SASS6: variants seen among roughly 807,000 people sequenced by gnomAD.
SASS6 encodes the protein SAS-6 centriolar assembly protein.
A neutral mutation model predicts 94.9 loss-of-function variants in SASS6; 59 were observed. The observed-to-expected ratio is 0.62, with a 90% confidence interval of 0.50 to 0.77. SASS6 has a LOEUF of 0.77. SASS6 is among the 30% of genes least tolerant of loss of function. The probability of loss-of-function intolerance (pLI) is 0.00; values close to 1 mark genes in which losing one functional copy is unlikely to be tolerated. For missense variants in SASS6, 698 were observed against 734.1 expected (o/e 0.95, Z 0.57); for synonymous variants, 264 against 270.0 (o/e 0.98, Z 0.22).
At chr1:100,110,205 A>C (rs1290342327) in intron 8 of SASS6, 87 bp downstream of exon 8, 3 of 702,516 alleles carry the variant, frequency 4.3e-6, no homozygotes, top group African/African-American at 3.7e-5. Context: ...ATCCAGAGGA[A>C]CACCACCCAC....
chr1:100,103,560 C>T (rs1652662572), intron 13 of SASS6, among the ~76,000 whole-genome samples: 1 of 152,126 alleles, frequency 6.6e-6, no homozygotes, highest in Non-Finnish European at 1.5e-5. Context: ...CATTAACCAA[C>T]GTTATGAAAA....
intron 1 of SASS6, among the ~76,000 whole-genome samples, chr1:100,127,976 T>A (rs1369127698): frequency 2.0e-5 from 3 of 152,208 alleles, no homozygotes; most frequent in Admixed American, 2.0e-4. Flanking sequence ...AGTGGTATGA[T>A]ACTGCAGTTG....
At chr1:100,091,766 G>GA (rs1218417593) in intron 14 of SASS6, among the ~76,000 whole-genome samples, 4 of 151,374 alleles carry the variant, frequency 2.6e-5, no homozygotes, top group Admixed American at 6.6e-5. Context: ...AATCAAATCT[G>GA]AAAAACAGAA....
chr1:100,092,636 C>T (rs1198395363), intron 14 of SASS6, among the ~76,000 whole-genome samples: 5 of 151,796 alleles, frequency 3.3e-5, no homozygotes, highest in African/African-American at 4.8e-5. Context: ...AGTGCAGAGG[C>T]GCAATCTCGG....
intron 14 of SASS6, among the ~76,000 whole-genome samples, chr1:100,092,187 T>A (rs1173600617): frequency 6.6e-6 from 1 of 150,618 alleles, no homozygotes; most frequent in African/African-American, 2.5e-5. Flanking sequence ...ATATATATAT[T>A]AAAAGCAGGC....
chr1:100,107,457 A>G lies in SASS6; in HGVS notation c.1243T>C (p.Leu415=), dbSNP rs1393467030. The change falls in exon 11 of 17, where the codon TTG becomes CTG. Residue 415 remains leucine, a synonymous_variant. Transcript: ENST00000287482. ...TGTAATTTTTCCTCCTTCTCAGCCA[A>G]GAGTTTTTCTTGCTGAATAGTAACT... ...NTVTIQQEKL[L]AEKEEKLQKE... 2 of 1,607,292 alleles carry G rather than the reference A, an allele frequency of 1.2e-6. No homozygotes were observed. The highest frequency in any genetic ancestry group is 1.3e-5 in the African/African-American group (1 of 74,906).
Position 100,119,101 on chromosome 1 carries a change from G to A in SASS6, c.586C>T (p.Arg196Trp), listed in dbSNP as rs747911751. ...GCTGTATGTGACGCCCATTCATTCC[G>A]TAACTTATCTAATTCTTGTTTTTTT... ...AEKKQELDKL[R>W]NEWASHTAAL... Residue 196 changes from arginine (R) to tryptophan (W), a missense_variant, in exon 7 of 17, where the codon CGG (arginine) becomes TGG (tryptophan). Arg to Trp is a moderately radical substitution (Grantham distance 101). Transcript: ENST00000287482. 1.6e-5 allele frequency: 25 copies of A among 1,573,804 alleles called. No homozygotes were observed. The highest frequency in any genetic ancestry group is 1.1e-4 in the East Asian group (5 of 44,362).
Position 100,088,253 on chromosome 1 carries a change from C to T in SASS6, c.1675-17G>A. 1 of 1,263,900 alleles carries T rather than the reference C, an allele frequency of 7.9e-7. No homozygotes were observed. The highest frequency in any genetic ancestry group is 1.2e-6 in the Non-Finnish European group (1 of 861,784). The allele number at this position is 1,263,900 out of a possible 1,614,324, so 78.3% of individuals were successfully genotyped here. On this transcript the variant is annotated splice_polypyrimidine_tract_variant and intron_variant, in intron 14 of 16. Transcript: ENST00000287482. Reference sequence around the variant, plus strand: ...AAACTGAACCTGTGAGAAGGAAAAACATCTCATGTAACTGAGTTATATAGA... The same window carrying T: ...AAACTGAACCTGTGAGAAGGAAAAATATCTCATGTAACTGAGTTATATAGA...
intron 7 of SASS6, among the ~76,000 whole-genome samples, chr1:100,111,983 T>TA (rs528597468): frequency 6.7e-4 from 102 of 151,428 alleles, no homozygotes; most frequent in Middle Eastern, 3.4e-3. Flanking sequence ...GATTTTTGTT[T>TA]AAAAAAAAAG....
At chr1:100,089,566 A>G (rs1354369048) in intron 14 of SASS6, among the ~76,000 whole-genome samples, 2 of 152,154 alleles carry the variant, frequency 1.3e-5, no homozygotes, top group Non-Finnish European at 2.9e-5. Context: ...ATCTTGCCAG[A>G]AAGTATTCAA....
At chr1:100,093,563 T>C (rs750622115) in intron 14 of SASS6, among the ~76,000 whole-genome samples, 20 of 151,892 alleles carry the variant, frequency 1.3e-4, no homozygotes, top group South Asian at 4.1e-4. Context: ...GAGTTTGAGA[T>C]TGGCCTGGGA....
intron 8 of SASS6, among the ~76,000 whole-genome samples, chr1:100,108,451 A>T (rs1255828308): frequency 6.6e-6 from 1 of 151,962 alleles, no homozygotes; most frequent in African/African-American, 2.4e-5. Context: ...ATATCTTTCT[A>T]TGTCAATAAA....
At chr1:100,095,088 C>T (rs1472986762) in intron 14 of SASS6, among the ~76,000 whole-genome samples, 1 of 152,090 alleles carries the variant, frequency 6.6e-6, no homozygotes, top group African/African-American at 2.4e-5. Context: ...AAGCTCTTAG[C>T]AAACTAGGAA....
rs764962644 is a variant in SASS6, at chr1:100,121,401, C to A, written c.460G>T (p.Ala154Ser). 8.9e-6 allele frequency: 14 copies of A among 1,577,848 alleles called. No individual in the cohort carries two copies. The highest frequency in any genetic ancestry group is 1.4e-5 in the African/African-American group (1 of 72,478). The change falls in exon 5 of 17, where the codon GCA (alanine) becomes TCA (serine). Residue 154 changes from alanine to serine, a missense_variant. Coordinates refer to ENST00000287482, the MANE Select transcript of SASS6 (RefSeq NM_194292.3). ...ACCTTGCTACATTTCAAACAGCCTG[C>A]GAGAAATTTCTTTATCTCCACATCA... ...GNDVEIKKFL[A>S]GCLKCSKEEK... is the part of the protein sequence containing the mutation.
chr1:100,121,503 G>T lies in SASS6; in HGVS notation c.358C>A (p.Pro120Thr). 1.3e-6 allele frequency: 2 copies of T among 1,599,282 alleles called. No individual in the cohort carries two copies. Among genetic ancestry groups the T allele is most frequent in the Non-Finnish European group, 1.7e-6 (2 of 1,170,946 alleles). The change falls in exon 5 of 17, where the codon CCT (proline) becomes ACT (threonine). Residue 120 changes from proline to threonine, a missense_variant. Physicochemically the swap from Pro to Thr is conservative, Grantham distance 38. Transcript: ENST00000287482. The stretch of plus-strand genomic sequence containing the variant: ...GTCTCTACCACATTTAAAAATGCAG[G>T]TGAGTTATCCAAAATAGCTGCTGGA... Reference protein sequence around the residue: ...VSPAAILDNSPAFLNVVETNP... With the variant: ...VSPAAILDNSTAFLNVVETNP...
intron 1 of SASS6, among the ~76,000 whole-genome samples, chr1:100,128,851 C>T (rs949871745): frequency 1.7e-4 from 26 of 152,308 alleles, no homozygotes; most frequent in African/African-American, 6.3e-4. Context: ...ATCTCTGACA[C>T]CCAGTAGCTG....
rs1654182531 is a variant in SASS6 at position 100,121,382 on chromosome 1, C to T, written c.479G>A (p.Ser160Asn). ...TAACTTAAATTTAAATCTTACCTTG[C>T]TACATTTCAAACAGCCTGCGAGAAA... ...KKFLAGCLKCSKEEKLSLMQS... is the reference protein window; with the variant it reads ...KKFLAGCLKCNKEEKLSLMQS... Residue 160 changes from serine (S) to asparagine (N), a missense_variant, in exon 5 of 17, where the codon AGC becomes AAC. Coordinates refer to ENST00000287482, the MANE Select transcript of SASS6 (RefSeq NM_194292.3). The T allele has an allele frequency of 1.3e-6, 2 of 1,554,032 alleles. No homozygotes were observed. The highest frequency in any genetic ancestry group is 2.8e-5 in the African/African-American group (2 of 71,620).
Position 100,107,550 on chromosome 1 carries a change from T to G in SASS6, c.1150A>C (p.Asn384His). 1.3e-6 allele frequency: 2 copies of G among 1,596,130 alleles called. No homozygotes were observed. Among genetic ancestry groups the G allele is most frequent in the Non-Finnish European group, 1.7e-6 (2 of 1,169,316 alleles). Residue 384 changes from asparagine (N) to histidine (H), a missense_variant, in exon 11 of 17, where the codon AAT becomes CAT. Physicochemically the swap from Asn to His is moderately conservative, Grantham distance 68 (BLOSUM62 1). Transcript: ENST00000287482. ...CCTTGTAACTTCTTGATAATTTCATTTGCCTATAAAAGAGCTTCATATGTA... is the reference window on the plus strand; with the variant it reads ...CCTTGTAACTTCTTGATAATTTCATGTGCCTATAAAAGAGCTTCATATGTA... ...KSLSAELLKA[N>H]EIIKKLQGDL...
intron 7 of SASS6, 81 bp downstream of exon 7, chr1:100,118,937 C>A (rs1351657184): frequency 7.0e-6 from 7 of 1,006,420 alleles, no homozygotes; most frequent in South Asian, 2.4e-5. Flanking sequence ...AAATTTAAAG[C>A]AAGCATATAT....
Sources: allele counts gnomAD v4.1 joint callset (sites outside exome capture counted in the v4.1 genomes callset), GRCh38; gene constraint gnomAD v4.1.1; transcripts MANE v1.5; gene names NCBI Gene and HGNC (gene_info 2026-07-23, HGNC 2026-07-21).